The following RUNDC3B variants were observed in gnomAD, a reference collection of about 807,000 sequenced individuals.
The protein encoded by RUNDC3B is RUN domain-containing protein 3B.
RUNDC3B carries 33 observed loss-of-function variants against 58.4 expected under a neutral mutation model. That is an observed-to-expected ratio of 0.56 (90% CI 0.43 to 0.75). The LOEUF (loss-of-function observed/expected upper bound fraction) is 0.75. RUNDC3B is among the 30% of genes least tolerant of loss of function. RUNDC3B has a pLI of 0.00. For missense variants in RUNDC3B, 501 were observed against 535.7 expected (o/e 0.94, Z 0.64); for synonymous variants, 193 against 195.2 (o/e 0.99, Z 0.10).
At chr7:87,689,800 C>T (rs1375317254) in intron 2 of RUNDC3B, among the ~76,000 whole-genome samples, 6 of 152,028 alleles carry the variant, frequency 3.9e-5, no homozygotes, top group African/African-American at 1.2e-4. Flanking sequence ...TGAACAATAT[C>T]GCTGCAAGCT....
chr7:87,762,904 T>C (rs1390009176), intron 6 of RUNDC3B, among the ~76,000 whole-genome samples: 1 of 151,590 alleles, frequency 6.6e-6, no homozygotes, highest in Non-Finnish European at 1.5e-5. Flanking sequence ...CGGCAGGCTT[T>C]GTCTTTTAAC....
At chr7:87,701,724 A>C (rs374493940) in intron 3 of RUNDC3B, among the ~76,000 whole-genome samples, 1 of 152,228 alleles carries the variant, frequency 6.6e-6, no homozygotes, top group African/African-American at 2.4e-5. Flanking sequence ...TTCCAACCAT[A>C]TATCTGTGTG....
intron 3 of RUNDC3B, among the ~76,000 whole-genome samples, chr7:87,708,590 T>G (rs974039036): frequency 3.3e-5 from 5 of 152,172 alleles, no homozygotes; most frequent in African/African-American, 1.2e-4. Context: ...ATAAGAGTTG[T>G]CTGTCAGATA....
intron 2 of RUNDC3B, among the ~76,000 whole-genome samples, chr7:87,679,232 A>G (rs973028898): frequency 6.0e-5 from 9 of 148,812 alleles, no homozygotes; most frequent in Admixed American, 2.0e-4. Flanking sequence ...AGCTGGGACT[A>G]CAGGTGCCCG....
chr7:87,732,800 A>G (rs1171711676), intron 4 of RUNDC3B, among the ~76,000 whole-genome samples: 4 of 152,216 alleles, frequency 2.6e-5, no homozygotes, highest in Non-Finnish European at 5.9e-5. Context: ...ATTCTTTAAC[A>G]TAACATTTGT....
intron 6 of RUNDC3B, among the ~76,000 whole-genome samples, chr7:87,754,198 A>G (rs1833214780): frequency 6.6e-6 from 1 of 152,174 alleles, no homozygotes; most frequent in South Asian, 2.1e-4. Context: ...ACATAAAACA[A>G]TCCTCAACAA....
intron 6 of RUNDC3B, among the ~76,000 whole-genome samples, chr7:87,765,276 T>A (rs1833916105): frequency 7.3e-6 from 1 of 136,848 alleles, no homozygotes; most frequent in Non-Finnish European, 1.6e-5. Flanking sequence ...TTGGGTTGAT[T>A]TTTTTTTGTC....
chr7:87,684,864 A>G (rs1827305062), intron 2 of RUNDC3B, among the ~76,000 whole-genome samples: 2 of 152,114 alleles, frequency 1.3e-5, no homozygotes, highest in Non-Finnish European at 1.5e-5. Flanking sequence ...TGGAAAAGTG[A>G]TAACCTTTAA....
intron 6 of RUNDC3B, among the ~76,000 whole-genome samples, chr7:87,753,800 G>T (rs148475356): frequency 3.3e-5 from 5 of 152,258 alleles, no homozygotes; most frequent in African/African-American, 1.2e-4. Context: ...AGTCTCCATA[G>T]CTGTTCCTCT....
At chr7:87,701,934 G>A (rs1829078347) in intron 3 of RUNDC3B, among the ~76,000 whole-genome samples, 1 of 151,958 alleles carries the variant, frequency 6.6e-6, no homozygotes, top group Non-Finnish European at 1.5e-5. Context: ...ACGAGGTCAG[G>A]AGATCGAGAC....
chr7:87,636,804 A>G (rs1179570869), intron 1 of RUNDC3B, among the ~76,000 whole-genome samples: 1 of 152,178 alleles, frequency 6.6e-6, no homozygotes, highest in African/African-American at 2.4e-5. Flanking sequence ...AGACCATTGT[A>G]TTAGTCTGTT....
At chr7:87,666,613 TAG>T (rs1825278067) in intron 2 of RUNDC3B, among the ~76,000 whole-genome samples, 1 of 152,080 alleles carries the variant, frequency 6.6e-6, no homozygotes, top group African/African-American at 2.4e-5. Context: ...ATGGCTTTAA[TAG>T]TTTGAGGTTT....
chr7:87,660,619 T>A (rs1824599852), intron 2 of RUNDC3B, among the ~76,000 whole-genome samples: 1 of 152,018 alleles, frequency 6.6e-6, no homozygotes, highest in Admixed American at 6.6e-5. Context: ...GCTTTGCTGA[T>A]CATTTATGTA....
chr7:87,641,612 G>T (rs1822461583), intron 1 of RUNDC3B, among the ~76,000 whole-genome samples: 1 of 152,168 alleles, frequency 6.6e-6, no homozygotes, highest in Non-Finnish European at 1.5e-5. Flanking sequence ...CTGTGAATGT[G>T]CACTAAATGA....
rs542940036 is a variant in RUNDC3B at position 87,655,118 on chromosome 7, AG to A, written c.238+4183del. 2.7e-3 allele frequency among the ~76,000 whole-genome samples: 417 copies of A among 152,260 alleles called. 3 individuals carry two copies. Among genetic ancestry groups the A allele is most frequent in the African/African-American group, 9.5e-3 (397 of 41,574 alleles). The stretch of plus-strand genomic sequence containing the variant: ...ACAGCCATTACAGAAAACATTATGG[AG>A]GTTCCTCAAAAAATTAAAAATAGAA... On this transcript the variant is annotated intron_variant, in intron 2 of 10. Coordinates refer to ENST00000394654, the MANE Select transcript of RUNDC3B (RefSeq NM_001134405.2).
At chr7:87,677,090 T>C (rs1036136835) in intron 2 of RUNDC3B, among the ~76,000 whole-genome samples, 4 of 152,104 alleles carry the variant, frequency 2.6e-5, no homozygotes, top group Non-Finnish European at 4.4e-5. Context: ...AAATTACAAG[T>C]AGAACTGCCA....
intron 4 of RUNDC3B, among the ~76,000 whole-genome samples, chr7:87,715,945 A>G (rs1830531328): frequency 6.6e-6 from 1 of 152,152 alleles, no homozygotes. Flanking sequence ...AACGGAAATA[A>G]AGACAGGAAT....
intron 6 of RUNDC3B, among the ~76,000 whole-genome samples, chr7:87,744,689 AT>A (rs1438682813): frequency 6.6e-6 from 1 of 152,210 alleles, no homozygotes; most frequent in East Asian, 1.9e-4. Flanking sequence ...CCTTTGCTGA[AT>A]TCTTTTATCA....
At chr7:87,821,681 A>G (rs1411970371) in intron 10 of RUNDC3B, among the ~76,000 whole-genome samples, 3 of 152,248 alleles carry the variant, frequency 2.0e-5, no homozygotes. Flanking sequence ...TGGTACTGGT[A>G]CCAAAACAGA....
Sources: allele counts gnomAD v4.1 joint callset (sites outside exome capture counted in the v4.1 genomes callset), GRCh38; gene constraint gnomAD v4.1.1; transcripts MANE v1.5; gene names NCBI Gene and HGNC (gene_info 2026-07-23, HGNC 2026-07-21).